CADM2: variants seen among roughly 807,000 people sequenced by gnomAD.
The protein encoded by CADM2 is immunoglobulin superfamily member 4D.
In CADM2, 12 loss-of-function variants were observed where a neutral mutation model predicts 49.8. The observed-to-expected ratio is 0.24, with a 90% confidence interval of 0.15 to 0.39. CADM2 has a LOEUF of 0.39. CADM2 is among the 10% of genes least tolerant of loss of function. The pLI is 1.00. For synonymous variants in CADM2, 214 were observed against 175.4 expected (o/e 1.22, Z -1.74); for missense variants, 378 against 492.3 (o/e 0.77, Z 2.20).
intron 1 of CADM2, among the ~76,000 whole-genome samples, chr3:85,394,293 A>G (rs2034664521): frequency 6.6e-6 from 1 of 152,156 alleles, no homozygotes. Context: ...TATTATTACC[A>G]TAATAAATGC....
At chr3:85,794,971 G>A (rs1221576777) in intron 2 of CADM2, among the ~76,000 whole-genome samples, 2 of 151,870 alleles carry the variant, frequency 1.3e-5, no homozygotes, top group African/African-American at 2.4e-5. Flanking sequence ...TATTTTAATT[G>A]ACAAATAATA....
At chr3:85,720,823 G>A (rs760027538) in intron 1 of CADM2, among the ~76,000 whole-genome samples, 1 of 152,114 alleles carries the variant, frequency 6.6e-6, no homozygotes, top group Non-Finnish European at 1.5e-5. Flanking sequence ...GCCCTCTACA[G>A]CAGATATTTT....
At chr3:85,556,293 C>T (rs924983646) in intron 1 of CADM2, among the ~76,000 whole-genome samples, 6 of 152,080 alleles carry the variant, frequency 3.9e-5, no homozygotes, top group South Asian at 2.1e-4. Flanking sequence ...TCATCCTTGT[C>T]GTTTTCCTGT....
chr3:85,768,734 CATATAT>C (rs555405803), intron 2 of CADM2, among the ~76,000 whole-genome samples: 2 of 132,662 alleles, frequency 1.5e-5, no homozygotes, highest in East Asian at 4.1e-4. Flanking sequence ...TATATATACA[CATATAT>C]ACACATATAT....
intron 1 of CADM2, among the ~76,000 whole-genome samples, chr3:85,711,193 T>C (rs926483837): frequency 1.3e-5 from 2 of 152,144 alleles, no homozygotes; most frequent in Non-Finnish European, 2.9e-5. Context: ...GTTCAATAGA[T>C]AATATGAACC....
chr3:85,859,100 G>T (rs903646575), intron 3 of CADM2, among the ~76,000 whole-genome samples: 1 of 151,504 alleles, frequency 6.6e-6, no homozygotes, highest in South Asian at 2.1e-4. Context: ...TGATGAAAAA[G>T]TAATAAACGT....
At chr3:85,675,662 T>G (rs1261974741) in intron 1 of CADM2, among the ~76,000 whole-genome samples, 2 of 152,104 alleles carry the variant, frequency 1.3e-5, no homozygotes, top group Admixed American at 1.3e-4. Flanking sequence ...TTTTTGATGG[T>G]GGGAATGAAA....
intron 1 of CADM2, among the ~76,000 whole-genome samples, chr3:85,657,330 T>G (rs1176734159): frequency 6.6e-6 from 1 of 152,128 alleles, no homozygotes; most frequent in Non-Finnish European, 1.5e-5. Context: ...TGTAGAGAAA[T>G]TCTAAGGATT....
chr3:85,747,604 T>G (rs1268165962), intron 2 of CADM2, among the ~76,000 whole-genome samples: 2 of 152,146 alleles, frequency 1.3e-5, no homozygotes, highest in Non-Finnish European at 2.9e-5. Context: ...ACCTTTATTC[T>G]TCTATGATGT....
intron 1 of CADM2, among the ~76,000 whole-genome samples, chr3:85,259,671 A>G (rs1334190007): frequency 1.3e-5 from 2 of 152,154 alleles, no homozygotes; most frequent in South Asian, 2.1e-4. Context: ...GAAGTGGAGA[A>G]CTGAAACAAT....
At chr3:85,367,914 T>C (rs1205363755) in intron 1 of CADM2, among the ~76,000 whole-genome samples, 1 of 151,868 alleles carries the variant, frequency 6.6e-6, no homozygotes, top group African/African-American at 2.4e-5. Flanking sequence ...CAGTTAGAGA[T>C]GACTTGAAAC....
intron 1 of CADM2, among the ~76,000 whole-genome samples, chr3:85,212,507 C>A (rs979186375): frequency 6.6e-6 from 1 of 152,032 alleles, no homozygotes; most frequent in African/African-American, 2.4e-5. Context: ...TTATTTTAAA[C>A]TAATGTCAGC....
chr3:85,671,569 C>T (rs62261692), intron 1 of CADM2, among the ~76,000 whole-genome samples: 31,556 of 152,026 alleles, frequency 0.21, 3,722 homozygotes, highest in East Asian at 0.53. Context: ...TCCAATTCAT[C>T]GCAGTACCTT....
intron 8 of CADM2, among the ~76,000 whole-genome samples, chr3:86,050,417 G>C (rs548232782): frequency 1.3e-5 from 2 of 152,290 alleles, no homozygotes; most frequent in South Asian, 4.1e-4. Flanking sequence ...AGTACAAGCT[G>C]TCAGTGGATC....
At chr3:85,246,685 A>G (rs946762942) in intron 1 of CADM2, among the ~76,000 whole-genome samples, 2 of 152,282 alleles carry the variant, frequency 1.3e-5, no homozygotes, top group South Asian at 4.1e-4. Context: ...CATAGATTTC[A>G]AAAACACAGT....
chr3:85,764,015 TA>T (rs2069526179), intron 2 of CADM2, among the ~76,000 whole-genome samples: 1 of 152,110 alleles, frequency 6.6e-6, no homozygotes, highest in African/African-American at 2.4e-5. Flanking sequence ...TTATAATTTA[TA>T]AAATGAACAG....
chr3:85,825,890 G>A (rs2073883298), intron 3 of CADM2, among the ~76,000 whole-genome samples: 1 of 151,746 alleles, frequency 6.6e-6, no homozygotes. Context: ...ACTAGGTCAG[G>A]GATGAATTCT....
Position 85,406,996 on chromosome 3 carries a change from G to C in CADM2, c.62-319526G>C, listed in dbSNP as rs767960964. On this transcript the variant is annotated intron_variant, in intron 1 of 9. Transcript: ENST00000383699. ...GGATCCCTTCAGCCCAGGAGTTCAA[G>C]ACCAGCCTGGGCAGCATAGGGAGAC... is the stretch of plus-strand genomic sequence containing the variant. 4.3e-4 allele frequency among the ~76,000 whole-genome samples: 66 copies of C among 152,088 alleles called. 1 individual carries two copies. Among genetic ancestry groups the C allele is most frequent in the Non-Finnish European group, 1.5e-4 (10 of 68,014 alleles).
intron 3 of CADM2, among the ~76,000 whole-genome samples, chr3:85,855,955 C>T (rs563924161): frequency 5.5e-4 from 83 of 152,226 alleles, no homozygotes; most frequent in African/African-American, 1.9e-3. Flanking sequence ...ACTAATTATA[C>T]GCTTTTTGCA....
Sources: allele counts gnomAD v4.1 joint callset (sites outside exome capture counted in the v4.1 genomes callset), GRCh38; gene constraint gnomAD v4.1.1; transcripts MANE v1.5; gene names NCBI Gene and HGNC (gene_info 2026-07-23, HGNC 2026-07-21).